Variants in DOCK9 observed in about 807,000 individuals in gnomAD.
The protein encoded by DOCK9 is dedicator of cytokinesis protein 9.
In DOCK9, 89 loss-of-function variants were observed where a neutral mutation model predicts 263.3. That is an observed-to-expected ratio of 0.34 (90% CI 0.28 to 0.40). The LOEUF is 0.40. Ranked by LOEUF, DOCK9 falls within the 10% of genes least tolerant of loss-of-function variation. The pLI, the probability that DOCK9 is intolerant of heterozygous loss-of-function variation, is 1.00. For missense variants in DOCK9, 2,140 were observed against 2,603.4 expected, an observed-to-expected ratio of 0.82 and a Z score of 3.87; for synonymous variants, 976 against 973.1, an observed-to-expected ratio of 1.00 and a Z score of -0.06.
rs372331955 is a variant in DOCK9, at chr13:98,873,729, G to A, written c.2944-5352C>T. Among the ~76,000 whole-genome samples, 228 of 152,354 alleles carry A rather than the reference G, an allele frequency of 1.5e-3. 7 individuals carry two copies. In the South Asian group the frequency reaches 0.044, roughly 29 times the overall value. On this transcript the variant is annotated intron_variant, in intron 27 of 52. Coordinates refer to ENST00000682017, the MANE Select transcript of DOCK9 (RefSeq NM_001366683.2). ...AAGATGGAGGCCTCTCATAACTGTG[G>A]AACAGAAGCCTCTTATGAGCTTGGG...
chr13:99,051,563 T>C (rs2040696764), intron 1 of DOCK9, among the ~76,000 whole-genome samples: 2 of 152,144 alleles, frequency 1.3e-5, no homozygotes, highest in African/African-American at 4.8e-5. Flanking sequence ...AACTTAAGGT[T>C]ATCCGAATGC....
chr13:98,877,759 G>A (rs2044101319), intron 27 of DOCK9, among the ~76,000 whole-genome samples: 1 of 152,148 alleles, frequency 6.6e-6, no homozygotes, highest in Admixed American at 6.5e-5. Context: ...AACTCCTTGA[G>A]GGCAAAAACT....
At chr13:98,884,292 C>T (rs952124803) in intron 21 of DOCK9, among the ~76,000 whole-genome samples, 2 of 152,230 alleles carry the variant, frequency 1.3e-5, no homozygotes, top group Non-Finnish European at 2.9e-5. Context: ...AAGGGTCAAT[C>T]GTCTGCTCAC....
At chr13:98,848,497 C>T in intron 37 of DOCK9, 95 bp downstream of exon 37, 2 of 1,358,682 alleles carry the variant, frequency 1.5e-6, no homozygotes, top group Non-Finnish European at 2.0e-6. Context: ...TTCCATGAAC[C>T]CCAACTGCCA....
At chr13:98,898,639 T>C (rs1182716689) in intron 13 of DOCK9, among the ~76,000 whole-genome samples, 5 of 152,218 alleles carry the variant, frequency 3.3e-5, no homozygotes, top group African/African-American at 1.2e-4. Flanking sequence ...ATATATCACA[T>C]TATTAGGATT....
intron 1 of DOCK9, among the ~76,000 whole-genome samples, chr13:98,956,895 A>T (rs1227690095): frequency 6.6e-6 from 1 of 152,214 alleles, no homozygotes; most frequent in African/African-American, 2.4e-5. Context: ...TATATTAAGG[A>T]TATTTCGTAT....
intron 1 of DOCK9, among the ~76,000 whole-genome samples, chr13:99,070,189 C>T (rs191381825): frequency 1.3e-5 from 2 of 152,274 alleles, no homozygotes; most frequent in Admixed American, 6.5e-5. Flanking sequence ...CATCACAATG[C>T]CCATGTGTAC....
intron 1 of DOCK9, among the ~76,000 whole-genome samples, chr13:99,045,580 C>G (rs1184241491): frequency 6.6e-6 from 1 of 152,032 alleles, no homozygotes; most frequent in Admixed American, 6.6e-5. Flanking sequence ...AACATGGTGA[C>G]TACAGTAAAT....
intron 4 of DOCK9, among the ~76,000 whole-genome samples, chr13:98,925,561 GA>G (rs1397682520): frequency 6.6e-6 from 1 of 152,096 alleles, no homozygotes; most frequent in African/African-American, 2.4e-5. Flanking sequence ...ATTTTGTAGT[GA>G]AAAAATTTCA....
In DOCK9 at chr13:99,083,204, G is replaced by A. The variant is rs1203356075; in HGVS notation, c.129+3019C>T. ...TGGGAGGCGGAGGTTGCAGTGAGCC[G>A]AGATCACGCCACTGCACTCCAGCCT... On this transcript the variant is annotated intron_variant, in intron 1 of 32. Transcript: ENST00000427887. Among the ~76,000 whole-genome samples the A allele has an allele frequency of 3.3e-5, 5 of 151,300 alleles. No individual in the cohort carries two copies. The South Asian group carries it at 6.3e-4, about 19-fold the overall frequency.
At chr13:98,967,044 A>G (rs2059280271) in intron 1 of DOCK9, among the ~76,000 whole-genome samples, 1 of 152,096 alleles carries the variant, frequency 6.6e-6, no homozygotes, top group South Asian at 2.1e-4. Flanking sequence ...TTTGATAACC[A>G]CTCTACTAGT....
intron 45 of DOCK9, among the ~76,000 whole-genome samples, chr13:98,815,527 C>G (rs1009706676): frequency 6.6e-6 from 1 of 152,182 alleles, no homozygotes; most frequent in African/African-American, 2.4e-5. Context: ...GTTGCCCAGG[C>G]TGCAGTGCAG....
chr13:98,855,138 G>A (rs1024926590), intron 34 of DOCK9, among the ~76,000 whole-genome samples: 2 of 152,206 alleles, frequency 1.3e-5, no homozygotes, highest in Admixed American at 1.3e-4. Context: ...GAAGTGTTGT[G>A]TTGTGGGTGC....
At chr13:99,077,364 G>C (rs575242546) in intron 1 of DOCK9, among the ~76,000 whole-genome samples, 10 of 152,208 alleles carry the variant, frequency 6.6e-5, no homozygotes, top group African/African-American at 2.4e-4. Flanking sequence ...CATGAGATCT[G>C]GTTGTTTAAA....
chr13:98,812,949 T>C (rs1258298244), intron 45 of DOCK9, among the ~76,000 whole-genome samples: 1 of 152,246 alleles, frequency 6.6e-6, no homozygotes, highest in Non-Finnish European at 1.5e-5. Flanking sequence ...TTTAAAGTTT[T>C]GATGATCACT....
At chr13:98,925,773 T>C in intron 4 of DOCK9, 64 bp downstream of exon 4, 1 of 1,139,936 alleles carries the variant, frequency 8.8e-7, no homozygotes, top group Non-Finnish European at 1.2e-6. Context: ...TGAAGTTACA[T>C]ACCTCCCCCC....
At chr13:98,979,223 T>TAGCAGCAGCAGC (rs1222854720), upstream of DOCK9, among the ~76,000 whole-genome samples, 1 of 122,808 alleles carries the variant, frequency 8.1e-6, no homozygotes, top group African/African-American at 3.1e-5. Flanking sequence ...GTAGTAGTAG[T>TAGCAGCAGCAGC]AGTAGTAGCA....
intron 1 of DOCK9, among the ~76,000 whole-genome samples, chr13:99,006,609 C>G (rs1348400953): frequency 6.6e-6 from 1 of 152,084 alleles, no homozygotes; most frequent in Non-Finnish European, 1.5e-5. Context: ...GACAATTATC[C>G]CTTTTTTAAT....
chr13:98,962,496 G>A (rs886973727), intron 1 of DOCK9, among the ~76,000 whole-genome samples: 33 of 152,322 alleles, frequency 2.2e-4, no homozygotes, highest in Admixed American at 1.5e-3. Flanking sequence ...TAGGAAAGCC[G>A]AGCTGTGCAG....
Sources: allele counts gnomAD v4.1 joint callset (sites outside exome capture counted in the v4.1 genomes callset), GRCh38; gene constraint gnomAD v4.1.1; transcripts MANE v1.5; gene names NCBI Gene and HGNC (gene_info 2026-07-23, HGNC 2026-07-21).